FGF2: variants seen among roughly 807,000 people sequenced by gnomAD.
FGF2 encodes fibroblast growth factor 2, also known as basic fibroblast growth factor bFGF.
A neutral mutation model predicts 15.9 loss-of-function variants in FGF2; 13 were observed. The ratio of observed to expected loss-of-function variants is 0.82; its 90% CI spans 0.53 to 1.30. The LOEUF is 1.30. Among genes scored for constraint, FGF2 ranks in the 50% most tolerant of loss-of-function variants. The pLI is 0.00. For synonymous variants in FGF2, 90 were observed against 78.4 expected (o/e 1.15, Z -0.78); for missense variants, 163 against 196.9 (o/e 0.83, Z 1.03).
chr4:122,871,995 A>G (rs771671038), intron 1 of FGF2, among the ~76,000 whole-genome samples: 5 of 152,166 alleles, frequency 3.3e-5, no homozygotes, highest in South Asian at 2.1e-4. Flanking sequence ...CTCTCCATCA[A>G]GGGTGCAGAA....
At chr4:122,885,805 C>G (rs898173771) in intron 2 of FGF2, among the ~76,000 whole-genome samples, 1 of 151,586 alleles carries the variant, frequency 6.6e-6, no homozygotes, top group African/African-American at 2.4e-5. Context: ...TTCCTCCAGA[C>G]TGTGACAGTT....
intron 1 of FGF2, among the ~76,000 whole-genome samples, chr4:122,849,227 A>G (rs769585319): frequency 6.6e-6 from 1 of 152,226 alleles, no homozygotes; most frequent in Admixed American, 6.5e-5. Flanking sequence ...GATAGACTAG[A>G]TAAAGAAAAT....
chr4:122,827,106 G>A lies in FGF2; in HGVS notation c.-69G>A. The stretch of plus-strand genomic sequence containing the variant: ...GGAGCGGGTCGGAGGCCGGGGCCGG[G>A]GCCGGGGGACGGCGGCTCCCCGCGC... On this transcript the variant is annotated 5_prime_UTR_variant, in exon 1 of 3. Coordinates refer to ENST00000644866, the MANE Select transcript of FGF2 (RefSeq NM_001361665.2). This position sits in a 1 kb window ranked among gnomAD's most constrained non-coding sequence, Gnocchi z 4.2. 8.0e-7 allele frequency: 1 copy of A among 1,249,148 alleles called. No homozygotes were observed. Among genetic ancestry groups the A allele is most frequent in the East Asian group, 3.4e-5 (1 of 29,820 alleles). 77.4% of individuals were successfully genotyped at this position (1,249,148 alleles called of 1,614,324 possible).
At chr4:122,885,859 G>A (rs1727045129) in intron 2 of FGF2, among the ~76,000 whole-genome samples, 1 of 146,442 alleles carries the variant, frequency 6.8e-6, no homozygotes, top group Non-Finnish European at 1.5e-5. Flanking sequence ...AGTTTGAGGA[G>A]TACTGTTGAG....
In FGF2 at chr4:122,827,365, C is replaced by T; in HGVS notation, c.178+13C>T. ...AGCGACCCTCACAGTGAGTGCCGACCCGCTCTCTCCGCCTCATTTCCATTT... is the reference window on the plus strand; with the variant it reads ...AGCGACCCTCACAGTGAGTGCCGACTCGCTCTCTCCGCCTCATTTCCATTT... On this transcript the variant is annotated intron_variant, in intron 1 of 2. Coordinates refer to ENST00000644866, the MANE Select transcript of FGF2 (RefSeq NM_001361665.2). The surrounding 1 kb of genome is among the most constrained non-coding windows in gnomAD (Gnocchi z 4.2). 6.2e-7 allele frequency: 1 copy of T among 1,612,482 alleles called. No individual in the cohort carries two copies. Among genetic ancestry groups the T allele is most frequent in the Non-Finnish European group, 8.5e-7 (1 of 1,179,700 alleles).
upstream of FGF2, chr4:122,826,695 C>G: frequency 1.6e-6 from 2 of 1,256,342 alleles, no homozygotes; most frequent in Non-Finnish European, 1.0e-6. Flanking sequence ...GCCGAACCGC[C>G]GAACTCAGAG....
chr4:122,827,307 C>A lies in FGF2; in HGVS notation c.133C>A (p.Pro45Thr), dbSNP rs1341634346. 1.1e-5 allele frequency: 18 copies of A among 1,612,938 alleles called. 2 individuals are homozygous for A. The South Asian group carries it at 1.9e-4, about 17-fold the overall frequency. Residue 45 changes from proline (P) to threonine (T), a missense_variant, in exon 1 of 3, where the codon CCC becomes ACC. Coordinates refer to ENST00000644866, the MANE Select transcript of FGF2 (RefSeq NM_001361665.2). The surrounding 1 kb of genome is among the most constrained non-coding windows in gnomAD (Gnocchi z 4.2). The stretch of plus-strand genomic sequence containing the variant: ...CGGGGGCTTCTTCCTGCGCATCCAC[C>A]CCGACGGCCGAGTTGACGGGGTCCG... ...KNGGFFLRIH[P>T]DGRVDGVREK...
chr4:122,845,393 A>T (rs1225033309), intron 1 of FGF2, among the ~76,000 whole-genome samples: 1 of 152,176 alleles, frequency 6.6e-6, no homozygotes, highest in African/African-American at 2.4e-5. Context: ...CTAACAAGAG[A>T]GTCAGCCTGT....
At chr4:122,842,543 A>G (rs1726011785) in intron 1 of FGF2, among the ~76,000 whole-genome samples, 1 of 152,186 alleles carries the variant, frequency 6.6e-6, no homozygotes. Flanking sequence ...TTTGTGAGAA[A>G]CATCTCTGTG....
At chr4:122,831,120 G>T (rs558404920) in intron 1 of FGF2, among the ~76,000 whole-genome samples, 1 of 152,282 alleles carries the variant, frequency 6.6e-6, no homozygotes, top group Admixed American at 6.5e-5. Context: ...TTTTACAGAA[G>T]AGGATACTGA....
At chr4:122,873,106 AAT>A (rs1726773438) in intron 1 of FGF2, among the ~76,000 whole-genome samples, 1 of 152,164 alleles carries the variant, frequency 6.6e-6, no homozygotes, top group African/African-American at 2.4e-5. Flanking sequence ...GTAGTTTTAA[AAT>A]ATTTCATTTT....
chr4:122,868,790 A>T (rs1484493439), intron 1 of FGF2, among the ~76,000 whole-genome samples: 1 of 152,028 alleles, frequency 6.6e-6, no homozygotes, highest in Admixed American at 6.6e-5. Context: ...TTGTTTCCTG[A>T]CTTTTTAATA....
At chr4:122,845,902 C>T (rs778905937) in intron 1 of FGF2, among the ~76,000 whole-genome samples, 3 of 152,194 alleles carry the variant, frequency 2.0e-5, no homozygotes, top group Non-Finnish European at 2.9e-5. Flanking sequence ...GCAGTCACAA[C>T]GTGGCTGTTT....
chr4:122,863,471 T>G (rs1408476737), intron 1 of FGF2, among the ~76,000 whole-genome samples: 2 of 152,186 alleles, frequency 1.3e-5, no homozygotes, highest in African/African-American at 4.8e-5. Context: ...CATGGCTGTT[T>G]CATGCCTCAG....
intron 1 of FGF2, among the ~76,000 whole-genome samples, chr4:122,870,066 C>T (rs1278531967): frequency 1.3e-5 from 2 of 152,138 alleles, no homozygotes; most frequent in African/African-American, 4.8e-5. Flanking sequence ...TTATCAAAGG[C>T]CTTTTCTGCA....
In FGF2 at chr4:122,827,126, C is replaced by CCGCGCGGCT. The variant is rs1725655952; in HGVS notation, c.-47_-39dup. On this transcript the variant is annotated 5_prime_UTR_variant, in exon 1 of 3. Transcript: ENST00000644866. The surrounding 1 kb of genome is among the most constrained non-coding windows in gnomAD (Gnocchi z 4.2). ...GCCGGGGCCGGGGGACGGCGGCTCC[C>CCGCGCGGCT]CGCGCGGCTCCAGCGGCTCGGGGAT... 1.5e-6 allele frequency: 2 copies of CCGCGCGGCT among 1,297,268 alleles called. No homozygotes were observed. Among genetic ancestry groups the CCGCGCGGCT allele is most frequent in the African/African-American group, 3.1e-5 (2 of 64,150 alleles). The allele number at this position is 1,297,268 out of a possible 1,614,324, so 80.4% of individuals were successfully genotyped here. A position where few individuals can be genotyped will look rare whatever the true frequency, so the allele number is the denominator to read the frequency against.
At chr4:122,838,609 T>A (rs1240336828) in intron 1 of FGF2, among the ~76,000 whole-genome samples, 1 of 152,232 alleles carries the variant, frequency 6.6e-6, no homozygotes, top group Non-Finnish European at 1.5e-5. Flanking sequence ...ATGGACAAAC[T>A]AGCAGAAATT....
chr4:122,833,179 ATG>A (rs139686023), intron 1 of FGF2, among the ~76,000 whole-genome samples: 239 of 148,728 alleles, frequency 1.6e-3, no homozygotes, highest in African/African-American at 4.2e-3. Context: ...TGTATAATGG[ATG>A]TGTGTGTGTG....
chr4:122,880,691 TG>T (rs561640316), intron 2 of FGF2, among the ~76,000 whole-genome samples: 3 of 152,184 alleles, frequency 2.0e-5, no homozygotes, highest in Non-Finnish European at 4.4e-5. Context: ...CCCTCTCAGC[TG>T]CCTTCACAGG....
Sources: gnomAD v4.1 joint callset for allele counts (sites outside exome capture counted in the v4.1 genomes callset) on GRCh38, gnomAD v4.1.1 for gene constraint, Gnocchi (gnomAD v3.1) non-coding constraint, MANE v1.5 for transcripts, NCBI Gene and HGNC (gene_info 2026-07-23, HGNC 2026-07-21) for gene names.